TAOK1: variants seen among roughly 807,000 people sequenced by gnomAD.
The protein encoded by TAOK1 is serine/threonine-protein kinase TAO1.
In TAOK1, 21 loss-of-function variants were observed where a neutral mutation model predicts 138.3. The ratio of observed to expected loss-of-function variants is 0.15; its 90% CI spans 0.11 to 0.22. The LOEUF (loss-of-function observed/expected upper bound fraction) is 0.22. Among genes scored for constraint, TAOK1 ranks in the 10% least tolerant of loss-of-function variants. The pLI, the probability that TAOK1 is intolerant of heterozygous loss-of-function variation, is 1.00. For synonymous variants in TAOK1, 361 were observed against 398.4 expected (o/e 0.91, Z 1.12); for missense variants, 651 against 1,227.7 (o/e 0.53, Z 7.02).
chr17:29,457,803 G>A (rs2030427634), intron 2 of TAOK1, among the ~76,000 whole-genome samples: 1 of 151,882 alleles, frequency 6.6e-6, no homozygotes, highest in Non-Finnish European at 1.5e-5. Context: ...TAGCCCAGTT[G>A]ACAGATAAAA....
Position 29,417,523 on chromosome 17 carries a change from A to T in TAOK1, c.-95+26499A>T, listed in dbSNP as rs146494133. On this transcript the variant is annotated intron_variant, in intron 1 of 19. Transcript: ENST00000261716. ...TCAGTCCAGCTATAGTTGGCAAAAG[A>T]TGTTATAGTAGGGAATGAAATCAAG... 6.6e-3 allele frequency among the ~76,000 whole-genome samples: 1,001 copies of T among 152,270 alleles called. 43 individuals are homozygous for T. The highest frequency in any genetic ancestry group is 0.058 in the Admixed American group (885 of 15,270).
chr17:29,440,980 T>C (rs985552631), intron 1 of TAOK1, among the ~76,000 whole-genome samples: 1 of 152,344 alleles, frequency 6.6e-6, no homozygotes, highest in South Asian at 2.1e-4. Context: ...TAAAGTGATA[T>C]ATTACATTGA....
At chr17:29,463,693 T>G (rs1412701083) in intron 2 of TAOK1, among the ~76,000 whole-genome samples, 1 of 152,208 alleles carries the variant, frequency 6.6e-6, no homozygotes. Flanking sequence ...CAAAGCCTTC[T>G]TAGATGGGAC....
intron 1 of TAOK1, among the ~76,000 whole-genome samples, chr17:29,401,697 G>C (rs1012184501): frequency 4.6e-5 from 7 of 151,834 alleles, no homozygotes; most frequent in Admixed American, 3.3e-4. Flanking sequence ...ACTCTGTTGG[G>C]AGGCTGGAGT....
intron 1 of TAOK1, among the ~76,000 whole-genome samples, chr17:29,432,776 A>C (rs1215705078): frequency 6.8e-6 from 1 of 147,428 alleles, no homozygotes; most frequent in Non-Finnish European, 1.5e-5. Flanking sequence ...CACCTGTCCA[A>C]ATTTTTTTTT....
intron 8 of TAOK1, among the ~76,000 whole-genome samples, chr17:29,484,903 T>G (rs1352197928): frequency 6.6e-6 from 1 of 152,148 alleles, no homozygotes; most frequent in Non-Finnish European, 1.5e-5. Context: ...TGATTCTCAA[T>G]GCAAATCCGA....
intron 1 of TAOK1, among the ~76,000 whole-genome samples, chr17:29,441,313 A>G (rs1158440443): frequency 6.6e-6 from 1 of 152,014 alleles, no homozygotes. Flanking sequence ...GTTCGAGTCC[A>G]CTCTGGGCAA....
At chr17:29,453,904 G>A (rs934416651) in intron 2 of TAOK1, among the ~76,000 whole-genome samples, 5 of 151,228 alleles carry the variant, frequency 3.3e-5, no homozygotes, top group African/African-American at 1.2e-4. Flanking sequence ...GCCTCCGTGG[G>A]CTCAGGTGTT....
intron 2 of TAOK1, among the ~76,000 whole-genome samples, chr17:29,453,847 G>GC (rs2030307911): frequency 6.9e-6 from 1 of 145,152 alleles, no homozygotes. Flanking sequence ...TCACTCTGTT[G>GC]CCCAGGCTGG....
Position 29,547,301 on chromosome 17 carries a change from C to G in TAOK1, c.*4279C>G, listed in dbSNP as rs988258371. 3 of 152,090 alleles carry G rather than the reference C, an allele frequency of 2.0e-5. No homozygotes were observed. Among genetic ancestry groups the G allele is most frequent in the Non-Finnish European group, 4.4e-5 (3 of 67,998 alleles). 9.4% of individuals were successfully genotyped at this position (152,090 alleles called of 1,614,324 possible). ...TTACTGCTAAAGCATCTAAGATTCTCCTGAACTGTAAAATCAACAGGAAAT... is the reference window on the plus strand; with the variant it reads ...TTACTGCTAAAGCATCTAAGATTCTGCTGAACTGTAAAATCAACAGGAAAT... On this transcript the variant is annotated 3_prime_UTR_variant, in exon 20 of 20. Transcript: ENST00000261716.
chr17:29,426,133 G>A (rs1470230403), intron 1 of TAOK1, among the ~76,000 whole-genome samples: 1 of 152,166 alleles, frequency 6.6e-6, no homozygotes, highest in Non-Finnish European at 1.5e-5. Flanking sequence ...ACCTGCCTCA[G>A]CCTCCCAAAG....
intron 1 of TAOK1, among the ~76,000 whole-genome samples, chr17:29,440,658 C>T (rs1422350306): frequency 6.6e-6 from 1 of 152,042 alleles, no homozygotes; most frequent in African/African-American, 2.4e-5. Flanking sequence ...TTACTGCAGC[C>T]TCTGCCTCCT....
chr17:29,428,360 T>G (rs1905715151), intron 1 of TAOK1, among the ~76,000 whole-genome samples: 1 of 152,116 alleles, frequency 6.6e-6, no homozygotes, highest in Admixed American at 6.6e-5. Flanking sequence ...AACAGAGACC[T>G]AAACAAAAAG....
rs879398063 is a variant in TAOK1, at chr17:29,517,234, C to T, written c.1705-219C>T. Among the ~76,000 whole-genome samples the T allele has an allele frequency of 7.2e-5, 11 of 151,812 alleles. No individual in the cohort carries two copies. In the South Asian group the frequency reaches 8.3e-4, roughly 12 times the overall value. On this transcript the variant is annotated intron_variant, in intron 15 of 19. Coordinates refer to ENST00000261716, the MANE Select transcript of TAOK1 (RefSeq NM_020791.4). Reference sequence around the variant, plus strand: ...CGATCTCCTGACCTCATGATCTGCCCGCCTCAGCCTCCAAAAGTACTGGAA... The same window carrying T: ...CGATCTCCTGACCTCATGATCTGCCTGCCTCAGCCTCCAAAAGTACTGGAA...
chr17:29,521,828 C>T (rs753514027), intron 16 of TAOK1, among the ~76,000 whole-genome samples: 6 of 152,176 alleles, frequency 3.9e-5, no homozygotes, highest in South Asian at 2.1e-4. Context: ...GTGATCCACC[C>T]GCCTCGGCCT....
At chr17:29,420,825 C>T (rs928117659) in intron 1 of TAOK1, among the ~76,000 whole-genome samples, 5 of 152,002 alleles carry the variant, frequency 3.3e-5, no homozygotes, top group Admixed American at 6.6e-5. Flanking sequence ...CCTCATGATC[C>T]GCCTGCCTGT....
intron 3 of TAOK1, 92 bp downstream of exon 3, chr17:29,467,308 C>T: frequency 1.5e-6 from 1 of 672,524 alleles, no homozygotes; most frequent in Non-Finnish European, 2.2e-6. Context: ...GAGTCTCCCT[C>T]TGTAGCCCAG....
At chr17:29,505,801 G>A (rs886820079) in intron 13 of TAOK1, among the ~76,000 whole-genome samples, 5 of 152,150 alleles carry the variant, frequency 3.3e-5, no homozygotes, top group Non-Finnish European at 2.9e-5. Context: ...TGGGTATGGT[G>A]GTGCGTGCCA....
chr17:29,422,650 A>T (rs1315357280), intron 1 of TAOK1, among the ~76,000 whole-genome samples: 3 of 152,206 alleles, frequency 2.0e-5, no homozygotes, highest in Non-Finnish European at 4.4e-5. Flanking sequence ...TAGCGTCTGT[A>T]GTGGTATCAC....
Sources: allele counts gnomAD v4.1 joint callset (sites outside exome capture counted in the v4.1 genomes callset), GRCh38; gene constraint gnomAD v4.1.1; transcripts MANE v1.5; gene names NCBI Gene and HGNC (gene_info 2026-07-23, HGNC 2026-07-21).